ZSCAN30: variants seen among roughly 807,000 people sequenced by gnomAD.
The protein encoded by ZSCAN30 is zinc finger and SCAN domain-containing protein 30.
A neutral mutation model predicts 44.3 loss-of-function variants in ZSCAN30; 37 were observed. The ratio of observed to expected loss-of-function variants is 0.84; its 90% confidence interval spans 0.64 to 1.10. The LOEUF (loss-of-function observed/expected upper bound fraction) is 1.10, where lower values mean the gene tolerates loss of function less well. Ranked by LOEUF, ZSCAN30 falls within the 50% of genes least tolerant of loss-of-function variation. ZSCAN30 has a pLI of 0.00. For synonymous variants in ZSCAN30, 181 were observed against 204.6 expected (o/e 0.88, Z 0.98); for missense variants, 549 against 582.6 (o/e 0.94, Z 0.59).
rs904032391 is a variant in ZSCAN30, at chr18:35,253,581, G to A, written c.1354C>T (p.Gln452Ter). 2 of 1,613,678 alleles carry A rather than the reference G, an allele frequency of 1.2e-6. No individual in the cohort carries two copies. The highest frequency in any genetic ancestry group is 1.7e-6 in the Non-Finnish European group (2 of 1,179,926). Residue 452 changes from glutamine (Q) to a stop codon, truncating the protein, a stop_gained, in exon 4 of 4, where the codon CAG (glutamine) becomes TAG (stop). Transcript: ENST00000333206. LOFTEE classifies it high-confidence loss of function. ...ECNECGKSFN[Q>*]SSALTQHQRI... is the part of the protein sequence containing the mutation. The stretch of plus-strand genomic sequence containing the variant: ...TGGTGCTGGGTGAGGGCTGAGCTCT[G>A]ATTGAAGGATTTTCCACATTCATTA...
rs776996511 is a variant in ZSCAN30 at position 35,264,322 on chromosome 18, G to C, written c.31C>G (p.His11Asp). 1 of 1,613,826 alleles carries C rather than the reference G, an allele frequency of 6.2e-7. No individual in the cohort carries two copies. The highest frequency in any genetic ancestry group is 8.5e-7 in the Non-Finnish European group (1 of 1,180,000). Residue 11 changes from histidine (H) to aspartate (D), a missense_variant, in exon 2 of 4, where the codon CAT (histidine) becomes GAT (aspartate). Transcript: ENST00000333206. The stretch of plus-strand genomic sequence containing the variant: ...AGTCCTTCCTGTTCTTCTGGAGCAT[G>C]GTAGGCCAAGACTGTGGCCTCTCCT... MSGEATVLAY[H>D]APEEQEGLLV...
At chr18:35,279,140 T>C (rs2143763933) in intron 1 of ZSCAN30, among the ~76,000 whole-genome samples, 1 of 152,328 alleles carries the variant, frequency 6.6e-6, no homozygotes, top group East Asian at 1.9e-4. Context: ...TCTATATTTT[T>C]AGATATTTGT....
chr18:35,268,810 C>A (rs2044216083), intron 1 of ZSCAN30: 1 of 152,012 alleles, frequency 6.6e-6, no homozygotes, highest in Non-Finnish European at 1.5e-5. Context: ...AACTAAGCAA[C>A]CGGATTTAAA....
chr18:35,287,164 A>G (rs1203212307), intron 1 of ZSCAN30, among the ~76,000 whole-genome samples: 2 of 152,190 alleles, frequency 1.3e-5, no homozygotes, highest in African/African-American at 4.8e-5. Flanking sequence ...ATATTAAGGA[A>G]GACCTAAATA....
At chr18:35,283,554 G>C (rs7238665) in intron 1 of ZSCAN30, 2 of 152,256 alleles carry the variant, frequency 1.3e-5, no homozygotes. Context: ...ATGTGTGAGC[G>C]AAAGAGTGTG....
At chr18:35,258,040 A>G (rs542802588) in intron 3 of ZSCAN30, 70 of 779,154 alleles carry the variant, frequency 9.0e-5, no homozygotes, top group Non-Finnish European at 1.5e-4. Flanking sequence ...CAAGAAACTT[A>G]TAACTCAAGG....
Position 35,264,071 on chromosome 18 carries a change from C to T in ZSCAN30, c.282G>A (p.Glu94=), listed in dbSNP as rs1290976865. 1.2e-6 allele frequency: 2 copies of T among 1,613,974 alleles called. No homozygotes were observed. Among genetic ancestry groups the T allele is most frequent in the African/African-American group, 1.3e-5 (1 of 74,912 alleles). The change falls in exon 2 of 4, where the codon GAG becomes GAA. Residue 94 remains glutamate (E), a synonymous_variant. Coordinates refer to ENST00000333206, the MANE Select transcript of ZSCAN30 (RefSeq NM_001112734.4). ...CCTCAGGAAGGATGGCCAGGAACTG[C>T]TCCAACATCAGCAGCTCCAGGATCT... ...KEQILELLML[E]QFLAILPEEL...
chr18:35,254,627 T>C lies in ZSCAN30; in HGVS notation c.554-246A>G, dbSNP rs115741366. The C allele has an allele frequency of 1.1e-3, 709 of 616,688 alleles. 4 individuals are homozygous for C. The African/African-American group carries it at 0.012, about 10-fold the overall frequency. The allele number at this position is 616,688 out of a possible 1,614,324, so 38.2% of individuals were successfully genotyped here. On this transcript the variant is annotated intron_variant, in intron 3 of 3. Coordinates refer to ENST00000333206, the MANE Select transcript of ZSCAN30 (RefSeq NM_001112734.4). ...GAGGGATGGTGAACAAGGAAAGACA[T>C]TAGTTAGAGGGAATGGTGACAAACA... is the stretch of plus-strand genomic sequence containing the variant.
At position 35,257,633 on chromosome 18, in the gene ZSCAN30, C is replaced by T. The variant is rs2043880308; in HGVS notation, c.554-3252G>A. On this transcript the variant is annotated intron_variant, in intron 3 of 3. Coordinates refer to ENST00000333206, the MANE Select transcript of ZSCAN30 (RefSeq NM_001112734.4). ...AAATCCGTGTTGTTTACAAGCCACT[C>T]AGTTGATGGTATTTTGTTATAGCAG... 3.4e-5 allele frequency: 14 copies of T among 411,506 alleles called. No homozygotes were observed. The South Asian group carries it at 4.4e-4, about 13-fold the overall frequency. 25.5% of individuals were successfully genotyped at this position (411,506 alleles called of 1,614,324 possible).
chr18:35,273,142 G>A (rs1220483721), intron 1 of ZSCAN30, among the ~76,000 whole-genome samples: 1 of 152,144 alleles, frequency 6.6e-6, no homozygotes. Flanking sequence ...TCCATCTCCA[G>A]AACTTTTTTA....
intron 3 of ZSCAN30, among the ~76,000 whole-genome samples, chr18:35,256,104 T>C (rs1341962019): frequency 2.0e-5 from 3 of 152,202 alleles, no homozygotes; most frequent in Non-Finnish European, 4.4e-5. Flanking sequence ...TCTGTAACTA[T>C]ATGAAGTCAA....
At chr18:35,274,682 A>T (rs1468757797) in intron 1 of ZSCAN30, among the ~76,000 whole-genome samples, 1 of 152,220 alleles carries the variant, frequency 6.6e-6, no homozygotes, top group Non-Finnish European at 1.5e-5. Flanking sequence ...GTGAAAGCCC[A>T]CTAGATGCTT....
At chr18:35,259,688 T>A (rs2043971941) in intron 3 of ZSCAN30, 1 of 154,248 alleles carries the variant, frequency 6.5e-6, no homozygotes. Context: ...AACATATGAA[T>A]TTTGAAGGGA....
chr18:35,262,089 T>C (rs1466329754), intron 3 of ZSCAN30: 2 of 152,156 alleles, frequency 1.3e-5, no homozygotes, highest in Non-Finnish European at 2.9e-5. Flanking sequence ...TTTATCATCA[T>C]ACAAAAAATA....
chr18:35,288,258 G>A (rs1184117817), intron 1 of ZSCAN30, among the ~76,000 whole-genome samples: 2 of 152,100 alleles, frequency 1.3e-5, no homozygotes, highest in Non-Finnish European at 2.9e-5. Context: ...ATATACAGAT[G>A]GCATATAAGC....
At chr18:35,258,844 T>G (rs1598617242) in intron 3 of ZSCAN30, 1 of 109,232 alleles carries the variant, frequency 9.2e-6, no homozygotes, top group Non-Finnish European at 1.7e-5. Context: ...CACTCTAGCT[T>G]GGGCGACAGA....
At chr18:35,258,200 C>T in intron 3 of ZSCAN30, 1 of 544,734 alleles carries the variant, frequency 1.8e-6, no homozygotes, top group Non-Finnish European at 3.3e-6. Flanking sequence ...AAGAGACTAG[C>T]ATAAGGAGAC....
At chr18:35,257,841 G>T in intron 3 of ZSCAN30, 1 of 779,966 alleles carries the variant, frequency 1.3e-6, no homozygotes. Context: ...ATGCTCCAAG[G>T]ATTAGACCAA....
Position 35,280,253 on chromosome 18 carries a change from G to A in ZSCAN30, c.-104+9831C>T, listed in dbSNP as rs562967702. On this transcript the variant is annotated intron_variant, in intron 1 of 3. Transcript: ENST00000333206. The stretch of plus-strand genomic sequence containing the variant: ...ATCACACCACTGCACTCCGGCCTGG[G>A]TGACACAGTGATACTTTGTCTCAAA... Among the ~76,000 whole-genome samples, 4 of 146,704 alleles carry A rather than the reference G, an allele frequency of 2.7e-5. No homozygotes were observed. In the South Asian group the frequency reaches 8.9e-4, roughly 33 times the overall value.
Sources: gnomAD v4.1 joint callset for allele counts (sites outside exome capture counted in the v4.1 genomes callset) on GRCh38, gnomAD v4.1.1 for gene constraint, MANE v1.5 for transcripts, NCBI Gene and HGNC (gene_info 2026-07-23, HGNC 2026-07-21) for gene names.